DTNA: variants seen among roughly 807,000 people sequenced by gnomAD.
DTNA encodes the protein dystrobrevin alpha.
DTNA carries 43 observed loss-of-function variants against 100.7 expected under a neutral mutation model. The observed-to-expected ratio is 0.43, with a 90% CI of 0.33 to 0.55. DTNA has a LOEUF of 0.55. DTNA is among the 20% of genes least tolerant of loss of function. The pLI is 0.04. For missense variants in DTNA, 798 were observed against 953.9 expected, an observed-to-expected ratio of 0.84 and a Z score of 2.15; for synonymous variants, 349 against 347.9, an observed-to-expected ratio of 1.00 and a Z score of -0.04.
At chr18:34,710,674 G>T (rs573321222) in intron 1 of DTNA, among the ~76,000 whole-genome samples, 1 of 142,000 alleles carries the variant, frequency 7.0e-6, no homozygotes, top group Non-Finnish European at 1.5e-5. Flanking sequence ...GTGTGTGTGG[G>T]AGTGTGTGTG....
intron 1 of DTNA, among the ~76,000 whole-genome samples, chr18:34,555,556 A>G (rs992396876): frequency 3.9e-5 from 6 of 152,048 alleles, no homozygotes; most frequent in African/African-American, 1.2e-4. Flanking sequence ...AATGCGTCCC[A>G]GAGATTCTAG....
chr18:34,810,999 A>G (rs1011830930), intron 5 of DTNA, among the ~76,000 whole-genome samples: 1 of 152,198 alleles, frequency 6.6e-6, no homozygotes, highest in African/African-American at 2.4e-5. Flanking sequence ...TGTAAAAACA[A>G]TGTTCCCAGA....
At chr18:34,520,324 T>C (rs1193126569) in intron 1 of DTNA, among the ~76,000 whole-genome samples, 1 of 152,170 alleles carries the variant, frequency 6.6e-6, no homozygotes, top group Non-Finnish European at 1.5e-5. Context: ...TTGAGTCACT[T>C]GACCCAAAGT....
chr18:34,789,447 T>A (rs1255865083), intron 3 of DTNA, among the ~76,000 whole-genome samples: 1 of 152,244 alleles, frequency 6.6e-6, no homozygotes, highest in Non-Finnish European at 1.5e-5. Flanking sequence ...TGCAACCTTA[T>A]CTTGTTCTGG....
At chr18:34,731,994 A>G (rs773714463) in intron 1 of DTNA, among the ~76,000 whole-genome samples, 1 of 152,144 alleles carries the variant, frequency 6.6e-6, no homozygotes, top group Non-Finnish European at 1.5e-5. Flanking sequence ...TTATTCACTC[A>G]TTCTTTCTGT....
At chr18:34,598,516 T>G (rs1411696857) in intron 1 of DTNA, among the ~76,000 whole-genome samples, 1 of 152,148 alleles carries the variant, frequency 6.6e-6, no homozygotes, top group East Asian at 1.9e-4. Flanking sequence ...AGAAAGCAGT[T>G]GAGTGTTTAT....
At chr18:34,729,939 T>G (rs1203949226) in intron 1 of DTNA, among the ~76,000 whole-genome samples, 1 of 151,948 alleles carries the variant, frequency 6.6e-6, no homozygotes, top group African/African-American at 2.4e-5. Context: ...TAGAAGAGCT[T>G]TAAGACTTCA....
At chr18:34,737,902 AC>A (rs1303015142) in intron 1 of DTNA, 1 of 152,176 alleles carries the variant, frequency 6.6e-6, no homozygotes, top group African/African-American at 2.4e-5. Flanking sequence ...ACAGACACCA[AC>A]AAAAACAATT....
At chr18:34,753,357 A>ATTTT (rs869151386) in intron 1 of DTNA, among the ~76,000 whole-genome samples, 2 of 2,018 alleles carry the variant, frequency 9.9e-4, no homozygotes, top group African/African-American at 1.0e-3. Context: ...TTATTTATTT[A>ATTTT]TTTATTTTAT....
intron 1 of DTNA, among the ~76,000 whole-genome samples, chr18:34,669,520 A>G (rs2076442806): frequency 6.6e-6 from 1 of 152,166 alleles, no homozygotes. Context: ...TCTTCCTAGC[A>G]TCAATGGTCT....
chr18:34,813,712 G>A (rs1032993625), intron 6 of DTNA, among the ~76,000 whole-genome samples: 4 of 151,862 alleles, frequency 2.6e-5, no homozygotes, highest in African/African-American at 7.2e-5. Flanking sequence ...AATTAGCCGG[G>A]CATGGTGGCA....
chr18:34,597,010 A>G (rs2050761359), intron 1 of DTNA, among the ~76,000 whole-genome samples: 1 of 151,940 alleles, frequency 6.6e-6, no homozygotes, highest in South Asian at 2.1e-4. Context: ...CTAGCCCCCA[A>G]TTCCCTGACA....
chr18:34,688,006 C>A (rs2079158984), intron 1 of DTNA, among the ~76,000 whole-genome samples: 1 of 151,996 alleles, frequency 6.6e-6, no homozygotes, highest in African/African-American at 2.4e-5. Context: ...AAGTCTTCCT[C>A]CATCCCTTTA....
At chr18:34,501,354 G>A (rs1371936012) in intron 1 of DTNA, among the ~76,000 whole-genome samples, 1 of 152,104 alleles carries the variant, frequency 6.6e-6, no homozygotes, top group Non-Finnish European at 1.5e-5. Context: ...ATGAATTACT[G>A]AATTGATTTG....
chr18:34,860,609 T>C (rs1237942374), intron 16 of DTNA, among the ~76,000 whole-genome samples: 1 of 152,244 alleles, frequency 6.6e-6, no homozygotes, highest in Non-Finnish European at 1.5e-5. Flanking sequence ...GCTCTGCTCT[T>C]CAGACACTTT....
At chr18:34,735,073 T>C (rs1027874920) in intron 1 of DTNA, among the ~76,000 whole-genome samples, 2 of 152,168 alleles carry the variant, frequency 1.3e-5, no homozygotes, top group Non-Finnish European at 1.5e-5. Context: ...CACATATATA[T>C]ATACACACAC....
At chr18:34,729,409 C>G (rs2087544199) in intron 1 of DTNA, among the ~76,000 whole-genome samples, 1 of 152,142 alleles carries the variant, frequency 6.6e-6, no homozygotes, top group Non-Finnish European at 1.5e-5. Flanking sequence ...TTCTGTGTTT[C>G]TGTGTGTGAG....
At position 34,877,812 on chromosome 18, in the gene DTNA, A is replaced by G. The variant is rs761436531; in HGVS notation, c.1993+4A>G. On this transcript the variant is annotated splice_donor_region_variant and intron_variant, in intron 19 of 22. Coordinates refer to ENST00000444659, the MANE Select transcript of DTNA (RefSeq NM_001386795.1). ...CTTGTGAAAGAGCTGAATTCTGGTGAGTTCCTGATTCCCTCTCATTTGTCT... is the reference window on the plus strand; with the variant it reads ...CTTGTGAAAGAGCTGAATTCTGGTGGGTTCCTGATTCCCTCTCATTTGTCT... The G allele has an allele frequency of 4.3e-6, 7 of 1,613,086 alleles. No individual in the cohort carries two copies. The South Asian group carries it at 7.7e-5, about 18-fold the overall frequency.
At chr18:34,766,151 A>G in intron 3 of DTNA, 110 bp downstream of exon 3, 2 of 1,233,894 alleles carry the variant, frequency 1.6e-6, no homozygotes, top group Non-Finnish European at 2.3e-6. Flanking sequence ...ATATTGTTAT[A>G]TATGTTTACA....
Sources: gnomAD v4.1 joint callset for allele counts (sites outside exome capture counted in the v4.1 genomes callset) on GRCh38, gnomAD v4.1.1 for gene constraint, MANE v1.5 for transcripts, NCBI Gene and HGNC (gene_info 2026-07-23, HGNC 2026-07-21) for gene names.